MLYCD: variants seen among roughly 807,000 people sequenced by gnomAD.
MLYCD encodes malonyl-CoA decarboxylase, mitochondrial.
MLYCD carries 27 observed loss-of-function variants against 35.8 expected under a neutral mutation model. That is an observed-to-expected ratio of 0.75 (90% CI 0.56 to 1.04). The LOEUF is 1.04. Ranked by LOEUF, MLYCD falls within the 50% of genes least tolerant of loss-of-function variation. MLYCD has a pLI of 0.00. For missense variants in MLYCD, 917 were observed against 665.1 expected, an observed-to-expected ratio of 1.38 and a Z score of -4.17; for synonymous variants, 403 against 302.4, an observed-to-expected ratio of 1.33 and a Z score of -3.45.
At chr16:83,902,155 G>GTATATATATATATA (rs386385269) in intron 1 of MLYCD, among the ~76,000 whole-genome samples, 1 of 87,318 alleles carries the variant, frequency 1.1e-5, no homozygotes, top group African/African-American at 4.6e-5. Context: ...GTGTGCGTGC[G>GTATATATATATATA]TATATATATA....
intron 1 of MLYCD, among the ~76,000 whole-genome samples, chr16:83,900,777 CTA>C (rs1176401275): frequency 6.6e-6 from 1 of 152,042 alleles, no homozygotes; most frequent in Non-Finnish European, 1.5e-5. Flanking sequence ...TTTAAGAACT[CTA>C]ATACTGGTTT....
intron 1 of MLYCD, among the ~76,000 whole-genome samples, chr16:83,906,703 A>G (rs1332562913): frequency 3.3e-5 from 5 of 151,150 alleles, no homozygotes; most frequent in Non-Finnish European, 2.9e-5. Context: ...GGAAGATATT[A>G]TTTGATTTGG....
chr16:83,908,012 T>C, intron 2 of MLYCD, 114 bp from the exon 3 acceptor site: 1 of 1,358,612 alleles, frequency 7.4e-7, no homozygotes, highest in Non-Finnish European at 1.0e-6. Flanking sequence ...GAAGAGTCCA[T>C]TAAAGCTCTA....
rs1345823941 is a variant in MLYCD, at chr16:83,926,771, T to C, written c.*11282T>C. 3.3e-5 allele frequency: 5 copies of C among 152,184 alleles called. No homozygotes were observed. The highest frequency in any genetic ancestry group is 5.9e-5 in the Non-Finnish European group (4 of 68,044). The allele number at this position is 152,184 out of a possible 1,614,324, so 9.4% of individuals were successfully genotyped here. A position where few individuals can be genotyped will look rare whatever the true frequency, so the allele number is the denominator to read the frequency against. Reference sequence around the variant, plus strand: ...CAGGGACGCACTTTGATGCTGAAAATGAGTCTCTGGGACAGATGGATCCCA... The same window carrying C: ...CAGGGACGCACTTTGATGCTGAAAACGAGTCTCTGGGACAGATGGATCCCA... On this transcript the variant is annotated 3_prime_UTR_variant, in exon 5 of 5. Transcript: ENST00000262430.
intron 3 of MLYCD, among the ~76,000 whole-genome samples, chr16:83,911,022 G>C (rs1017203413): frequency 1.3e-5 from 2 of 152,134 alleles, no homozygotes; most frequent in Non-Finnish European, 2.9e-5. Flanking sequence ...CTGTGCCCAG[G>C]CTGGAGTGCA....
Position 83,912,306 on chromosome 16 carries a change from A to C in MLYCD, c.887A>C (p.Gln296Pro), listed in dbSNP as rs199761233. Residue 296 changes from glutamine to proline, a missense_variant, in exon 4 of 5, where the codon CAG becomes CCG. Coordinates refer to ENST00000262430, the MANE Select transcript of MLYCD (RefSeq NM_012213.3). ...AIFYSISLTQQGLQGVELGTF... is the reference protein window; with the variant it reads ...AIFYSISLTQPGLQGVELGTF... ...TTTTATTCCATCAGCTTGACCCAGC[A>C]GGGACTCCAAGGGGTGGAGCTGGGA... 74 of 1,614,112 alleles carry C rather than the reference A, an allele frequency of 4.6e-5. No homozygotes were observed. Among genetic ancestry groups the C allele is most frequent in the Non-Finnish European group, 6.1e-5 (72 of 1,180,050 alleles).
rs76924639 is a variant in MLYCD at position 83,914,462 on chromosome 16, C to T, written c.949-494C>T. 3.3e-3 allele frequency: 759 copies of T among 229,224 alleles called. 4 individuals are homozygous for T. Among genetic ancestry groups the T allele is most frequent in the African/African-American group, 0.016 (715 of 43,828 alleles). The allele number at this position is 229,224 out of a possible 1,614,324, so 14.2% of individuals were successfully genotyped here. ...GCCTGCAGTGAGTAGCTGCAGTGCACCGAGCCCCACTCCCCACTGGCCAGC... is the reference window on the plus strand; with the variant it reads ...GCCTGCAGTGAGTAGCTGCAGTGCATCGAGCCCCACTCCCCACTGGCCAGC... On this transcript the variant is annotated intron_variant, in intron 4 of 4. Transcript: ENST00000262430.
At chr16:83,913,105 T>G in intron 4 of MLYCD, 1 of 153,996 alleles carries the variant, frequency 6.5e-6, no homozygotes, top group Non-Finnish European at 1.4e-5. Flanking sequence ...TGTTGGGGGC[T>G]GCACATGGCT....
At chr16:83,906,909 C>G in intron 1 of MLYCD, 78 bp from the exon 2 acceptor site, 3 of 1,229,142 alleles carry the variant, frequency 2.4e-6, no homozygotes, top group Non-Finnish European at 3.6e-6. Context: ...TGTTTTCATT[C>G]CTTGTGCTGA....
At position 83,922,571 on chromosome 16, in the gene MLYCD, A is replaced by C. The variant is rs1377289879; in HGVS notation, c.*7082A>C. ...ACTTCCAGCTGGGTGGCCCAGGGCA[A>C]GCCACCTACCCTTGCTTTGCCTCAG... is the stretch of plus-strand genomic sequence containing the variant. On this transcript the variant is annotated 3_prime_UTR_variant, in exon 5 of 5. Transcript: ENST00000262430. 3.3e-5 allele frequency: 5 copies of C among 152,526 alleles called. No individual in the cohort carries two copies. The East Asian group carries it at 9.6e-4, about 29-fold the overall frequency. The allele number at this position is 152,526 out of a possible 1,614,324, so 9.4% of individuals were successfully genotyped here.
chr16:83,910,107 C>T (rs754352525), intron 3 of MLYCD, among the ~76,000 whole-genome samples: 8 of 151,794 alleles, frequency 5.3e-5, no homozygotes, highest in Non-Finnish European at 8.8e-5. Flanking sequence ...GTGTGCGTAC[C>T]GAGAGCCTCT....
chr16:83,909,789 ATT>A (rs534447151), intron 3 of MLYCD, among the ~76,000 whole-genome samples: 2 of 140,148 alleles, frequency 1.4e-5, no homozygotes, highest in African/African-American at 2.6e-5. Context: ...TGCCCAGCTA[ATT>A]TTTTTTTTTT....
At position 83,926,874 on chromosome 16, in the gene MLYCD, G is replaced by A. The variant is rs1361018701; in HGVS notation, c.*11385G>A. 6.6e-6 allele frequency: 1 copy of A among 152,218 alleles called. No homozygotes were observed. The highest frequency in any genetic ancestry group is 1.5e-5 in the Non-Finnish European group (1 of 68,046). The allele number at this position is 152,218 out of a possible 1,614,324, so 9.4% of individuals were successfully genotyped here. On this transcript the variant is annotated 3_prime_UTR_variant, in exon 5 of 5. Transcript: ENST00000262430. ...GCGCCCCTCCAGCCTCCTCTGCTCTGCGCTTGGGCGCTGAATGTTAAAATT... is the reference window on the plus strand; with the variant it reads ...GCGCCCCTCCAGCCTCCTCTGCTCTACGCTTGGGCGCTGAATGTTAAAATT...
intron 2 of MLYCD, among the ~76,000 whole-genome samples, chr16:83,907,436 C>G (rs1306067575): frequency 6.6e-6 from 1 of 152,204 alleles, no homozygotes; most frequent in Admixed American, 6.5e-5. Context: ...CTGGACCAAG[C>G]GTTTGCATTC....
At chr16:83,913,303 C>G (rs76028984) in intron 4 of MLYCD, 1 of 152,250 alleles carries the variant, frequency 6.6e-6, no homozygotes, top group African/African-American at 2.4e-5. Flanking sequence ...CCTCATTCCT[C>G]TGTCTTCACT....
At chr16:83,900,972 A>C (rs1251786074) in intron 1 of MLYCD, among the ~76,000 whole-genome samples, 1 of 152,204 alleles carries the variant, frequency 6.6e-6, no homozygotes, top group Admixed American at 6.5e-5. Flanking sequence ...CGTTAATCAG[A>C]TGTTTATTAG....
chr16:83,921,001 A>G lies in MLYCD; in HGVS notation c.*5512A>G, dbSNP rs2151063076. 1.4e-5 allele frequency: 2 copies of G among 147,374 alleles called. No homozygotes were observed. Among genetic ancestry groups the G allele is most frequent in the East Asian group, 4.1e-4 (2 of 4,894 alleles). 9.1% of individuals were successfully genotyped at this position (147,374 alleles called of 1,614,324 possible). On this transcript the variant is annotated 3_prime_UTR_variant, in exon 5 of 5. Coordinates refer to ENST00000262430, the MANE Select transcript of MLYCD (RefSeq NM_012213.3). ...AGGAAGATGGATGGGTGGAAGGAAGATGGGTGGATGGATGGTGGAGGGTGG... is the reference window on the plus strand; with the variant it reads ...AGGAAGATGGATGGGTGGAAGGAAGGTGGGTGGATGGATGGTGGAGGGTGG...
Position 83,912,306 on chromosome 16 carries a change from AG to A in MLYCD, c.890del (p.Gly297AspfsTer12), listed in dbSNP as rs1907208269. On this transcript the variant is annotated frameshift_variant, in exon 4 of 5. Transcript: ENST00000262430. LOFTEE classifies it high-confidence loss of function. ...AIFYSISLTQ[Q>X]GLQGVELGTF... ...TTTTATTCCATCAGCTTGACCCAGC[AG>A]GGACTCCAAGGGGTGGAGCTGGGAA... 1 of 1,614,112 alleles carries A rather than the reference AG, an allele frequency of 6.2e-7. No individual in the cohort carries two copies. Among genetic ancestry groups the A allele is most frequent in the African/African-American group, 1.3e-5 (1 of 74,948 alleles).
chr16:83,918,134 A>C lies in MLYCD; in HGVS notation c.*2645A>C, dbSNP rs1447433236. 1 of 152,176 alleles carries C rather than the reference A, an allele frequency of 6.6e-6. No homozygotes were observed. Among genetic ancestry groups the C allele is most frequent in the East Asian group, 1.9e-4 (1 of 5,198 alleles). 9.4% of individuals were successfully genotyped at this position (152,176 alleles called of 1,614,324 possible). On this transcript the variant is annotated 3_prime_UTR_variant, in exon 5 of 5. Coordinates refer to ENST00000262430, the MANE Select transcript of MLYCD (RefSeq NM_012213.3). ...CTCCAGCAAGGCGGCTCATCACATC[A>C]CGTTACTCTTTAGGTCAAATGTAAC... is the stretch of plus-strand genomic sequence containing the variant.
Sources: gnomAD v4.1 joint callset for allele counts (sites outside exome capture counted in the v4.1 genomes callset) on GRCh38, gnomAD v4.1.1 for gene constraint, MANE v1.5 for transcripts, NCBI Gene and HGNC (gene_info 2026-07-23, HGNC 2026-07-21) for gene names.